Variants in ILRUN observed in about 807,000 individuals in gnomAD.
ILRUN encodes the protein inflammation and lipid regulator with UBA-like and NBR1-like domains.
A neutral mutation model predicts 33.8 loss-of-function variants in ILRUN; 3 were observed. The observed-to-expected ratio is 0.09, with a 90% CI of 0.04 to 0.23. The LOEUF is 0.23. Among genes scored for constraint, ILRUN ranks in the 10% least tolerant of loss-of-function variants. ILRUN has a pLI of 1.00. For missense variants in ILRUN, 210 were observed against 375.1 expected, an observed-to-expected ratio of 0.56 and a Z score of 3.64; for synonymous variants, 124 against 138.9, an observed-to-expected ratio of 0.89 and a Z score of 0.75.
intron 3 of ILRUN, among the ~76,000 whole-genome samples, chr6:34,619,986 A>C (rs1290205996): frequency 1.1e-5 from 1 of 91,570 alleles, no homozygotes; most frequent in Non-Finnish European, 2.2e-5. Flanking sequence ...CTCTGTCTCC[A>C]AAAAAAAAAA....
chr6:34,587,769 AG>A lies in ILRUN; in HGVS notation c.*2795del, dbSNP rs1479734412. On this transcript the variant is annotated 3_prime_UTR_variant, in exon 5 of 5. Transcript: ENST00000374023. ...AAATTCAACTGTCCTCACGGCAAAA[AG>A]AAAAAAAGCATGCACACGTGCACAT... 2 of 303,556 alleles carry A rather than the reference AG, an allele frequency of 6.6e-6. No homozygotes were observed. The highest frequency in any genetic ancestry group is 1.2e-5 in the Non-Finnish European group (2 of 165,264). 18.8% of individuals were successfully genotyped at this position (303,556 alleles called of 1,614,324 possible).
rs149675520 is a variant in ILRUN, at chr6:34,606,646, G to A, written c.770C>T (p.Thr257Ile). 6 of 1,614,168 alleles carry A rather than the reference G, an allele frequency of 3.7e-6. No individual in the cohort carries two copies. Among genetic ancestry groups the A allele is most frequent in the Non-Finnish European group, 5.1e-6 (6 of 1,180,026 alleles). Residue 257 changes from threonine (T) to isoleucine (I), a missense_variant, in exon 4 of 5, where the codon ACT (threonine) becomes ATT (isoleucine). Thr to Ile is a moderately conservative substitution (Grantham distance 89). This residue lies in a region of ILRUN where 81 missense variants were observed against 97.0 expected (regional missense o/e 0.84). Transcript: ENST00000374023. ...TGACAGTCTATTCTGGTCTTGCTCAGTTTGGTCAGGAGCAGGAGCCCATGT... is the reference window on the plus strand; with the variant it reads ...TGACAGTCTATTCTGGTCTTGCTCAATTTGGTCAGGAGCAGGAGCCCATGT... ...PDTWAPAPDQTEQDQNRLSQN... is the reference protein window; with the variant it reads ...PDTWAPAPDQIEQDQNRLSQN...
At chr6:34,614,456 A>ATATATATATATATATATATATATATATAT (rs1554183809) in intron 3 of ILRUN, among the ~76,000 whole-genome samples, 2 of 139,102 alleles carry the variant, frequency 1.4e-5, no homozygotes, top group African/African-American at 5.7e-5. Context: ...ATATATATAT[A>ATATATATATATATATATATATATATATAT]AAATGTATAT....
chr6:34,683,431 T>TATATATATACATATATATAC (rs1562032863), intron 1 of ILRUN, among the ~76,000 whole-genome samples: 15 of 46,406 alleles, frequency 3.2e-4, no homozygotes, highest in Admixed American at 1.1e-3. Context: ...TATATATACA[T>TATATATATACATATATATAC]ATATATATAC....
chr6:34,653,452 C>T (rs1762710551), intron 2 of ILRUN, among the ~76,000 whole-genome samples: 1 of 152,062 alleles, frequency 6.6e-6, no homozygotes, highest in Non-Finnish European at 1.5e-5. Context: ...TCTCCAACTC[C>T]TCATCTGAAG....
chr6:34,614,751 A>G (rs1191688687), intron 3 of ILRUN, among the ~76,000 whole-genome samples: 1 of 152,006 alleles, frequency 6.6e-6, no homozygotes, highest in Non-Finnish European at 1.5e-5. Context: ...TGGCAAACAT[A>G]CTACTTAACC....
At chr6:34,665,425 C>T (rs935643242) in intron 1 of ILRUN, among the ~76,000 whole-genome samples, 30 of 151,682 alleles carry the variant, frequency 2.0e-4, no homozygotes, top group African/African-American at 6.3e-4. Context: ...CCACTGTGGG[C>T]GACAAGACGC....
chr6:34,694,926 C>T (rs1213490936), intron 1 of ILRUN, among the ~76,000 whole-genome samples: 4 of 151,922 alleles, frequency 2.6e-5, no homozygotes, highest in Non-Finnish European at 5.9e-5. Context: ...TGGTGTGCAC[C>T]TGTAGTCCCA....
chr6:34,692,623 T>C (rs1021823026), intron 1 of ILRUN, among the ~76,000 whole-genome samples: 79 of 152,176 alleles, frequency 5.2e-4, no homozygotes, highest in Non-Finnish European at 7.6e-4. Context: ...TCATTAATTA[T>C]GATGGATGTT....
At chr6:34,695,236 T>C (rs1216103220) in intron 1 of ILRUN, among the ~76,000 whole-genome samples, 3 of 152,118 alleles carry the variant, frequency 2.0e-5, no homozygotes, top group Non-Finnish European at 2.9e-5. Context: ...AGAGGTTGGT[T>C]GTGCAAGTGA....
intron 1 of ILRUN, among the ~76,000 whole-genome samples, chr6:34,659,164 C>T (rs528952895): frequency 6.6e-6 from 1 of 152,286 alleles, no homozygotes; most frequent in South Asian, 2.1e-4. Flanking sequence ...AAATGCCTCT[C>T]GCACAGAGGC....
At chr6:34,690,871 C>G (rs1453729738) in intron 1 of ILRUN, among the ~76,000 whole-genome samples, 1 of 152,152 alleles carries the variant, frequency 6.6e-6, no homozygotes, top group Admixed American at 6.5e-5. Flanking sequence ...AAGAATAGGA[C>G]AGATGGCTAT....
chr6:34,628,855 C>T (rs930560721), intron 3 of ILRUN, among the ~76,000 whole-genome samples: 5 of 152,072 alleles, frequency 3.3e-5, no homozygotes, highest in African/African-American at 1.2e-4. Flanking sequence ...GTGGCTCACA[C>T]CTGTAATCCC....
intron 4 of ILRUN, among the ~76,000 whole-genome samples, chr6:34,594,589 T>A (rs955971997): frequency 3.8e-4 from 58 of 152,220 alleles, no homozygotes; most frequent in African/African-American, 1.4e-3. Flanking sequence ...GAGGTGTTGC[T>A]TGTTTTGCCT....
chr6:34,692,782 C>T (rs180690245), intron 1 of ILRUN, among the ~76,000 whole-genome samples: 2 of 152,094 alleles, frequency 1.3e-5, no homozygotes, highest in East Asian at 3.9e-4. Flanking sequence ...TTAAATTGAT[C>T]CTTTTGTAAT....
intron 1 of ILRUN, among the ~76,000 whole-genome samples, chr6:34,665,926 G>C (rs2127374183): frequency 6.8e-6 from 1 of 146,468 alleles, no homozygotes; most frequent in East Asian, 2.0e-4. Flanking sequence ...GTGCTTCAAA[G>C]TACCTTCAGT....
At chr6:34,590,740 C>G (rs553404228) in intron 4 of ILRUN, 140 bp from the exon 5 acceptor site, 2 of 655,720 alleles carry the variant, frequency 3.1e-6, no homozygotes, top group African/African-American at 3.6e-5. Flanking sequence ...CTTTGCCATA[C>G]AAAACCTCGG....
intron 4 of ILRUN, among the ~76,000 whole-genome samples, chr6:34,600,605 A>G (rs1306439717): frequency 1.3e-5 from 2 of 152,234 alleles, no homozygotes; most frequent in South Asian, 2.1e-4. Flanking sequence ...AGATGCTGCT[A>G]TAACAAGAGT....
At chr6:34,653,371 A>C (rs1762709011) in intron 2 of ILRUN, among the ~76,000 whole-genome samples, 2 of 151,868 alleles carry the variant, frequency 1.3e-5, no homozygotes, top group Non-Finnish European at 2.9e-5. Flanking sequence ...GCTGGGATTA[A>C]AGGTGCCCAA....
Sources: allele counts gnomAD v4.1 joint callset (sites outside exome capture counted in the v4.1 genomes callset), GRCh38; gene constraint gnomAD v4.1.1; regional missense constraint gnomAD v4.1.1; transcripts MANE v1.5; gene names NCBI Gene and HGNC (gene_info 2026-07-23, HGNC 2026-07-21).